RBFOX1: variants seen among roughly 807,000 people sequenced by gnomAD.
RBFOX1 encodes RNA binding fox-1 homolog 1.
Under a neutral mutation model 57.7 loss-of-function variants are expected in RBFOX1, and 8 were observed. The observed-to-expected ratio is 0.14, with a 90% confidence interval of 0.08 to 0.25. The LOEUF (loss-of-function observed/expected upper bound fraction) is 0.25. Ranked by LOEUF, RBFOX1 falls within the 10% of genes least tolerant of loss-of-function variation. The pLI, the probability that RBFOX1 is intolerant of heterozygous loss-of-function variation, is 1.00. For missense variants in RBFOX1, 611 were observed against 548.5 expected (o/e 1.11, Z -1.14); for synonymous variants, 326 against 222.4 (o/e 1.47, Z -4.15).
intron 3 of RBFOX1, among the ~76,000 whole-genome samples, chr16:6,655,332 C>G (rs1007079103): frequency 1.5e-5 from 2 of 136,930 alleles, no homozygotes; most frequent in African/African-American, 5.5e-5. Context: ...CAAAATTGCA[C>G]CAGCGCACTC....
chr16:7,603,427 G>A (rs1226893368), intron 9 of RBFOX1, among the ~76,000 whole-genome samples: 1 of 152,136 alleles, frequency 6.6e-6, no homozygotes. Context: ...AAAGACAAGA[G>A]CAAGCAAAGA....
intron 1 of RBFOX1, among the ~76,000 whole-genome samples, chr16:6,295,939 G>T (rs2078051818): frequency 6.6e-6 from 1 of 152,196 alleles, no homozygotes; most frequent in Non-Finnish European, 1.5e-5. Context: ...ATGTAACACA[G>T]CTATTTTATT....
chr16:5,299,488 T>G (rs1199092740), intron 1 of RBFOX1, among the ~76,000 whole-genome samples: 1 of 152,226 alleles, frequency 6.6e-6, no homozygotes, highest in African/African-American at 2.4e-5. Context: ...AGATGTGTGT[T>G]TAACTTCATG....
chr16:6,970,804 A>G (rs141986761), intron 3 of RBFOX1, among the ~76,000 whole-genome samples: 163 of 152,310 alleles, frequency 1.1e-3, no homozygotes, highest in Middle Eastern at 3.4e-3. Context: ...CCTGTCTACA[A>G]AGGAGACTGG....
chr16:6,666,010 A>G (rs923453708), intron 3 of RBFOX1, among the ~76,000 whole-genome samples: 14 of 152,110 alleles, frequency 9.2e-5, no homozygotes, highest in South Asian at 2.1e-4. Context: ...ATGGTAGTGA[A>G]TAAGTCTCCC....
At chr16:6,640,460 T>C (rs539401043) in intron 2 of RBFOX1, among the ~76,000 whole-genome samples, 87 of 151,880 alleles carry the variant, frequency 5.7e-4, no homozygotes, top group Non-Finnish European at 1.1e-3. Flanking sequence ...AATGCAGAAA[T>C]TAGCCAGGCA....
chr16:6,493,603 A>C (rs1278448571), intron 2 of RBFOX1, among the ~76,000 whole-genome samples: 1 of 152,162 alleles, frequency 6.6e-6, no homozygotes, highest in Non-Finnish European at 1.5e-5. Context: ...GATGTTTACT[A>C]TATATTTATG....
intron 1 of RBFOX1, among the ~76,000 whole-genome samples, chr16:6,264,896 TGTGCAGTGAGCATTG>T (rs1423941016): frequency 6.6e-6 from 1 of 152,216 alleles, no homozygotes; most frequent in Non-Finnish European, 1.5e-5. Flanking sequence ...ATGTAGTAAA[TGTGCAGTGAGCATTG>T]GTTGAATAAT....
rs1042287613 is a variant in RBFOX1, at chr16:6,981,502, C to T, written c.-15-70555C>T. Reference sequence around the variant, plus strand: ...TCTTTATCCAGTGTATTAGTCTGTTCTCATGCTGCTAATAAAGACGTACCT... The same window carrying T: ...TCTTTATCCAGTGTATTAGTCTGTTTTCATGCTGCTAATAAAGACGTACCT... On this transcript the variant is annotated intron_variant, in intron 3 of 15. Transcript: ENST00000550418. Among the ~76,000 whole-genome samples the T allele has an allele frequency of 5.3e-5, 8 of 152,234 alleles. No homozygotes were observed. In the Middle Eastern group the frequency reaches 0.01, roughly 194 times the overall value.
At chr16:5,633,348 T>A (rs2048580346) in intron 3 of RBFOX1, among the ~76,000 whole-genome samples, 1 of 152,154 alleles carries the variant, frequency 6.6e-6, no homozygotes, top group Admixed American at 6.5e-5. Context: ...GTGCTCTTTT[T>A]GTAAAAAAAC....
At chr16:6,327,812 T>C (rs964409760) in intron 2 of RBFOX1, among the ~76,000 whole-genome samples, 1 of 152,214 alleles carries the variant, frequency 6.6e-6, no homozygotes. Context: ...GAATGCCATG[T>C]TATTTCTTGA....
intron 3 of RBFOX1, among the ~76,000 whole-genome samples, chr16:6,880,682 A>T (rs1779022124): frequency 6.6e-6 from 1 of 152,226 alleles, no homozygotes; most frequent in Admixed American, 6.5e-5. Context: ...TAAAAAGAGC[A>T]CTGAGCTGTA....
intron 8 of RBFOX1, among the ~76,000 whole-genome samples, chr16:7,595,996 C>A (rs1360657340): frequency 6.6e-6 from 1 of 151,166 alleles, no homozygotes; most frequent in East Asian, 2.0e-4. Context: ...AGAACAGTTT[C>A]TTTTTCTTTT....
rs1491268058 is a variant in RBFOX1 at position 7,134,960 on chromosome 16, CAA to C, written c.27+82863_27+82864del. On this transcript the variant is annotated intron_variant, in intron 4 of 15. Coordinates refer to ENST00000550418, the MANE Select transcript of RBFOX1 (RefSeq NM_018723.4). ...TTTTCAATTTTGATTAGCCGCGTTC[CAA>C]GAGAGAGAGATGAATTATCCAATCT... Among the ~76,000 whole-genome samples, 19 of 151,042 alleles carry C rather than the reference CAA, an allele frequency of 1.3e-4. 1 individual carries two copies. The highest frequency in any genetic ancestry group is 9.7e-4 in the East Asian group (5 of 5,160).
chr16:6,804,679 G>T (rs2086300674), intron 3 of RBFOX1, among the ~76,000 whole-genome samples: 1 of 152,160 alleles, frequency 6.6e-6, no homozygotes, highest in Non-Finnish European at 1.5e-5. Flanking sequence ...ACTTTCTAAA[G>T]AATAAGAGTG....
chr16:5,512,818 G>A (rs1431141751), intron 2 of RBFOX1, among the ~76,000 whole-genome samples: 1 of 152,096 alleles, frequency 6.6e-6, no homozygotes, highest in African/African-American at 2.4e-5. Context: ...TTTAGTTCTT[G>A]CCTCATGTCT....
chr16:5,866,376 G>T (rs959010912), intron 3 of RBFOX1, among the ~76,000 whole-genome samples: 2 of 152,348 alleles, frequency 1.3e-5, no homozygotes, highest in Admixed American at 6.5e-5. Flanking sequence ...TACAATCACA[G>T]TGGGGGTTAG....
At chr16:6,057,367 G>A (rs978425826) in intron 1 of RBFOX1, among the ~76,000 whole-genome samples, 2 of 151,844 alleles carry the variant, frequency 1.3e-5, no homozygotes, top group African/African-American at 4.8e-5. Context: ...AACCCCAAAG[G>A]ATCCTTCTAA....
chr16:6,967,031 T>A (rs1029829769), intron 3 of RBFOX1, among the ~76,000 whole-genome samples: 7 of 152,202 alleles, frequency 4.6e-5, no homozygotes, highest in African/African-American at 7.2e-5. Flanking sequence ...TATCTACTTA[T>A]CTGTACGTGC....
Sources: allele counts gnomAD v4.1 joint callset (sites outside exome capture counted in the v4.1 genomes callset), GRCh38; gene constraint gnomAD v4.1.1; transcripts MANE v1.5; gene names NCBI Gene and HGNC (gene_info 2026-07-23, HGNC 2026-07-21).